Variants in PTPRD observed in about 807,000 individuals in gnomAD.
The protein encoded by PTPRD is protein tyrosine phosphatase receptor type D.
Under a neutral mutation model 214.5 loss-of-function variants are expected in PTPRD, and 34 were observed. The ratio of observed to expected loss-of-function variants is 0.16; its 90% CI spans 0.12 to 0.21. PTPRD has a LOEUF of 0.21. Ranked by LOEUF, PTPRD falls within the 10% of genes least tolerant of loss-of-function variation. The probability of loss-of-function intolerance (pLI) is 1.00; values close to 1 mark genes in which losing one functional copy is unlikely to be tolerated. For missense variants in PTPRD, 2,545 were observed against 2,398.7 expected (o/e 1.06, Z -1.27); for synonymous variants, 1,128 against 845.7 (o/e 1.33, Z -5.79).
chr9:9,934,907 C>A (rs1311278899), intron 5 of PTPRD, among the ~76,000 whole-genome samples: 1 of 152,130 alleles, frequency 6.6e-6, no homozygotes, highest in Admixed American at 6.5e-5. Context: ...CCCTGGGATG[C>A]AAGGCTGGTT....
At chr9:8,420,755 T>C (rs2094299884) in intron 35 of PTPRD, among the ~76,000 whole-genome samples, 1 of 151,990 alleles carries the variant, frequency 6.6e-6, no homozygotes, top group African/African-American at 2.4e-5. Flanking sequence ...GACAGCTCCC[T>C]TTGCCCTCAG....
At chr9:9,122,026 A>C (rs1368238924) in intron 10 of PTPRD, among the ~76,000 whole-genome samples, 1 of 152,120 alleles carries the variant, frequency 6.6e-6, no homozygotes, top group Non-Finnish European at 1.5e-5. Context: ...ACATGAGGGG[A>C]GACTCCCTCT....
chr9:8,812,534 G>C (rs1389405757), intron 11 of PTPRD, among the ~76,000 whole-genome samples: 3 of 152,162 alleles, frequency 2.0e-5, no homozygotes, highest in Non-Finnish European at 1.5e-5. Flanking sequence ...TATTCTGAAA[G>C]TACATGTGCA....
Position 9,479,176 on chromosome 9 carries a change from G to A in PTPRD, c.-236-81694C>T, listed in dbSNP as rs185203121. Among the ~76,000 whole-genome samples the A allele has an allele frequency of 3.7e-3, 549 of 148,328 alleles. 1 individual carries two copies. The highest frequency in any genetic ancestry group is 0.012 in the African/African-American group (492 of 39,836). On this transcript the variant is annotated intron_variant, in intron 8 of 45. Transcript: ENST00000381196. ...TTGTCCAAAAATAGTTCTTATATGA[G>A]GAGATAAATAAGTCACACATACATA...
chr9:10,377,544 G>C (rs760145514), intron 2 of PTPRD, among the ~76,000 whole-genome samples: 14 of 151,002 alleles, frequency 9.3e-5, no homozygotes, highest in Non-Finnish European at 1.6e-4. Context: ...GGCGATGTTT[G>C]TTTTTTTTGT....
intron 9 of PTPRD, among the ~76,000 whole-genome samples, chr9:9,245,995 G>C (rs1348338939): frequency 6.6e-6 from 1 of 152,040 alleles, no homozygotes; most frequent in Non-Finnish European, 1.5e-5. Context: ...AAGATCCTAT[G>C]TGGCTGATCA....
chr9:9,677,030 CT>C (rs1342650149), intron 7 of PTPRD, among the ~76,000 whole-genome samples: 1 of 151,994 alleles, frequency 6.6e-6, no homozygotes, highest in Non-Finnish European at 1.5e-5. Flanking sequence ...GATATTAGCC[CT>C]TTGTCAGAAG....
At chr9:10,253,353 T>G (rs371317907) in intron 3 of PTPRD, among the ~76,000 whole-genome samples, 3 of 152,204 alleles carry the variant, frequency 2.0e-5, no homozygotes, top group Non-Finnish European at 4.4e-5. Flanking sequence ...TTTTATGCTC[T>G]TCCTCTTATG....
chr9:8,680,166 G>C (rs2097524379), intron 12 of PTPRD, among the ~76,000 whole-genome samples: 1 of 151,578 alleles, frequency 6.6e-6, no homozygotes, highest in East Asian at 1.9e-4. Context: ...AATTAATCAA[G>C]AGAAATAAAG....
At chr9:8,481,377 A>G (rs535262579) in intron 30 of PTPRD, among the ~76,000 whole-genome samples, 2 of 152,254 alleles carry the variant, frequency 1.3e-5, no homozygotes, top group South Asian at 4.1e-4. Context: ...TGTACCCAGG[A>G]AAGGTTGTTT....
chr9:10,348,775 G>T (rs2154452035), intron 2 of PTPRD, among the ~76,000 whole-genome samples: 1 of 152,214 alleles, frequency 6.6e-6, no homozygotes, highest in East Asian at 1.9e-4. Context: ...AACTCACTAA[G>T]CTAAAAGGAA....
In PTPRD at chr9:9,102,093, T is replaced by G. The variant is rs763343921; in HGVS notation, c.-143+81211A>C. 8.5e-5 allele frequency among the ~76,000 whole-genome samples: 13 copies of G among 152,220 alleles called. 1 individual carries two copies. Among genetic ancestry groups the G allele is most frequent in the Non-Finnish European group, 4.4e-5 (3 of 68,030 alleles). ...ATTGGTAAGCATACAGACTCTTCTT[T>G]TAAATGTAAATATTGGCTTCGTCTT... On this transcript the variant is annotated intron_variant, in intron 10 of 45. Transcript: ENST00000381196.
intron 5 of PTPRD, among the ~76,000 whole-genome samples, chr9:9,834,075 C>A (rs2055947602): frequency 6.6e-6 from 1 of 152,042 alleles, no homozygotes; most frequent in South Asian, 2.1e-4. Context: ...TCCATGAAAT[C>A]TTTACAATTT....
At chr9:9,202,459 AT>A (rs1414810375) in intron 9 of PTPRD, among the ~76,000 whole-genome samples, 1 of 151,888 alleles carries the variant, frequency 6.6e-6, no homozygotes, top group East Asian at 1.9e-4. Context: ...TGGATTGAAA[AT>A]TTTTCATTTT....
chr9:10,057,616 G>A (rs1433912753), intron 3 of PTPRD, among the ~76,000 whole-genome samples: 1 of 152,062 alleles, frequency 6.6e-6, no homozygotes, highest in Non-Finnish European at 1.5e-5. Flanking sequence ...AGGTCAAGGC[G>A]GGTGGATCAC....
intron 21 of PTPRD, among the ~76,000 whole-genome samples, chr9:8,513,436 C>A (rs571896201): frequency 4.6e-5 from 7 of 152,044 alleles, no homozygotes; most frequent in African/African-American, 1.7e-4. Flanking sequence ...CTTTTGGAAT[C>A]CGGTTTCAAA....
chr9:9,131,095 T>C (rs1475064407), intron 10 of PTPRD, among the ~76,000 whole-genome samples: 6 of 152,044 alleles, frequency 3.9e-5, no homozygotes, highest in African/African-American at 1.4e-4. Context: ...AAAAGGGAAA[T>C]AGAAAAGTTG....
chr9:10,140,392 C>T (rs1029718704), intron 3 of PTPRD, among the ~76,000 whole-genome samples: 22 of 151,422 alleles, frequency 1.5e-4, no homozygotes, highest in Admixed American at 8.6e-4. Context: ...ATCAAATAGA[C>T]GCAACAAAAA....
intron 4 of PTPRD, among the ~76,000 whole-genome samples, chr9:10,022,796 T>C (rs2096849529): frequency 6.6e-6 from 1 of 152,214 alleles, no homozygotes; most frequent in African/African-American, 2.4e-5. Flanking sequence ...ATTCCCATTT[T>C]AAAAATGATT....
Sources: gnomAD v4.1 joint callset for allele counts (sites outside exome capture counted in the v4.1 genomes callset) on GRCh38, gnomAD v4.1.1 for gene constraint, MANE v1.5 for transcripts, NCBI Gene and HGNC (gene_info 2026-07-23, HGNC 2026-07-21) for gene names.